HDLBP: variants seen among roughly 807,000 people sequenced by gnomAD.
HDLBP encodes vigilin.
HDLBP carries 30 observed loss-of-function variants against 137.3 expected under a neutral mutation model. That is an observed-to-expected ratio of 0.22 (90% CI 0.16 to 0.30). The LOEUF (loss-of-function observed/expected upper bound fraction) is 0.30, where lower values mean the gene tolerates loss of function less well. Among genes scored for constraint, HDLBP ranks in the 10% least tolerant of loss-of-function variants. The pLI, the probability that HDLBP is intolerant of heterozygous loss-of-function variation, is 1.00. For missense variants in HDLBP, 1,119 were observed against 1,667.3 expected (o/e 0.67, Z 5.73); for synonymous variants, 606 against 596.0 (o/e 1.02, Z -0.24).
intron 5 of HDLBP, among the ~76,000 whole-genome samples, chr2:241,258,346 C>CAAA (rs34675892): frequency 4.9e-4 from 27 of 55,462 alleles, no homozygotes; most frequent in East Asian, 1.3e-3. Flanking sequence ...GACTCCGTCT[C>CAAA]AAAAAAAAAA....
chr2:241,250,310 T>C lies in HDLBP; in HGVS notation c.1373-330A>G, dbSNP rs112031636. ...GGTATTGGCCAGGGCTTCAGAATAG[T>C]TGAAGGATTCCAGGTGTTTCTAATG... On this transcript the variant is annotated intron_variant, in intron 11 of 27. Coordinates refer to ENST00000310931, the MANE Select transcript of HDLBP (RefSeq NM_005336.6). 705 of 203,678 alleles carry C rather than the reference T, an allele frequency of 3.5e-3. 8 individuals carry two copies. Among genetic ancestry groups the C allele is most frequent in the African/African-American group, 0.015 (661 of 43,442 alleles). The allele number at this position is 203,678 out of a possible 1,614,324, so 12.6% of individuals were successfully genotyped here.
At chr2:241,253,318 G>T (rs530240233) in intron 10 of HDLBP, 75 bp downstream of exon 10, 1 of 995,264 alleles carries the variant, frequency 1.0e-6, no homozygotes, top group Non-Finnish European at 1.6e-6. Flanking sequence ...GGATGTCATC[G>T]AGAGATGACC....
Position 241,243,597 on chromosome 2 carries a change from G to A in HDLBP, c.1951-919C>T, listed in dbSNP as rs895180609. ...AGTGCCTGCAGCTCAGTCGGGGCCT[G>A]GTATAGTACCTACAGCTCAGACACC... On this transcript the variant is annotated intron_variant, in intron 16 of 27. Transcript: ENST00000310931. The A allele has an allele frequency of 5.9e-5, 9 of 152,586 alleles. No homozygotes were observed. In the Admixed American group the frequency reaches 5.9e-4, roughly 10 times the overall value. 9.5% of individuals were successfully genotyped at this position (152,586 alleles called of 1,614,324 possible).
At position 241,228,550 on chromosome 2, in the gene HDLBP, G is replaced by A. The variant is rs1196879250; in HGVS notation, c.*1051C>T. The A allele has an allele frequency of 6.6e-6, 1 of 152,402 alleles. No homozygotes were observed. Among genetic ancestry groups the A allele is most frequent in the Non-Finnish European group, 1.5e-5 (1 of 68,092 alleles). 9.4% of individuals were successfully genotyped at this position (152,402 alleles called of 1,614,324 possible). ...GGCCACTGACCCACCTGTGCTGAGGGAGAGCGCCAGCCTCCAGCTTAGGTA... is the reference window on the plus strand; with the variant it reads ...GGCCACTGACCCACCTGTGCTGAGGAAGAGCGCCAGCCTCCAGCTTAGGTA... On this transcript the variant is annotated 3_prime_UTR_variant, in exon 28 of 28. Transcript: ENST00000310931.
intron 1 of HDLBP, among the ~76,000 whole-genome samples, chr2:241,274,147 G>A (rs1188867629): frequency 6.6e-6 from 1 of 152,176 alleles, no homozygotes; most frequent in Non-Finnish European, 1.5e-5. Flanking sequence ...GGATAAGGGG[G>A]TGTGATGCCC....
rs914620106 is a variant in HDLBP at position 241,279,517 on chromosome 2, G to T, written c.-102-10976C>A. Among the ~76,000 whole-genome samples the T allele has an allele frequency of 2.0e-5, 3 of 152,142 alleles. No homozygotes were observed. In the South Asian group the frequency reaches 6.2e-4, roughly 32 times the overall value. On this transcript the variant is annotated intron_variant, in intron 1 of 27. Transcript: ENST00000310931. The stretch of plus-strand genomic sequence containing the variant: ...TAATTCAGGCTGTGGTGCTAGTGCC[G>T]GGGACAGACACAGAGAACAAGGGAG...
chr2:241,273,693 G>A (rs2074279518), intron 1 of HDLBP: 1 of 982,902 alleles, frequency 1.0e-6, no homozygotes, highest in African/African-American at 1.7e-5. Flanking sequence ...AGGTATCTGG[G>A]GACAAGACCG....
chr2:241,256,039 C>G, intron 7 of HDLBP, 145 bp downstream of exon 7: 1 of 709,548 alleles, frequency 1.4e-6, no homozygotes, highest in Non-Finnish European at 2.4e-6. Flanking sequence ...CCGATCTCAC[C>G]CGGGTCACTC....
chr2:241,246,206 T>A (rs1020604532), intron 16 of HDLBP, among the ~76,000 whole-genome samples: 1 of 148,608 alleles, frequency 6.7e-6, no homozygotes, highest in African/African-American at 2.5e-5. Flanking sequence ...CACAAAAGCG[T>A]AGACAATCCA....
chr2:241,309,156 T>G (rs1207101738), intron 1 of HDLBP, among the ~76,000 whole-genome samples: 1 of 152,218 alleles, frequency 6.6e-6, no homozygotes, highest in Non-Finnish European at 1.5e-5. Flanking sequence ...AAACTGCCAC[T>G]GTGTCCCCCA....
intron 1 of HDLBP, chr2:241,279,834 CTAG>C (rs1273073698): frequency 1.3e-6 from 1 of 799,510 alleles, no homozygotes; most frequent in Non-Finnish European, 1.5e-6. Context: ...CACTGCACTG[CTAG>C]TAATAGTCAA....
chr2:241,227,748 G>A lies in HDLBP; in HGVS notation c.*1853C>T, dbSNP rs10892. The A allele has an allele frequency of 6.6e-6, 1 of 152,440 alleles. No homozygotes were observed. Among genetic ancestry groups the A allele is most frequent in the African/African-American group, 2.4e-5 (1 of 41,370 alleles). The allele number at this position is 152,440 out of a possible 1,614,324, so 9.4% of individuals were successfully genotyped here. ...GAGGAACCCGCTGCGATGGAGATTGGGGGGAGCTGGAAGCAAGCAGCCAAC... is the reference window on the plus strand; with the variant it reads ...GAGGAACCCGCTGCGATGGAGATTGAGGGGAGCTGGAAGCAAGCAGCCAAC... On this transcript the variant is annotated 3_prime_UTR_variant, in exon 28 of 28. Coordinates refer to ENST00000310931, the MANE Select transcript of HDLBP (RefSeq NM_005336.6).
intron 12 of HDLBP, chr2:241,249,302 C>A (rs888484071): frequency 6.4e-6 from 3 of 470,934 alleles, no homozygotes; most frequent in Non-Finnish European, 1.3e-5. Flanking sequence ...CAGTATTTGA[C>A]TTCTCTGGAT....
intron 1 of HDLBP, among the ~76,000 whole-genome samples, chr2:241,309,606 G>C (rs977873753): frequency 6.6e-6 from 1 of 152,152 alleles, no homozygotes; most frequent in Non-Finnish European, 1.5e-5. Flanking sequence ...TGGCTGATAG[G>C]TTTAAAAGGC....
intron 1 of HDLBP, among the ~76,000 whole-genome samples, chr2:241,288,676 T>C (rs2074913439): frequency 6.6e-6 from 1 of 152,180 alleles, no homozygotes; most frequent in African/African-American, 2.4e-5. Flanking sequence ...CTAACTGCCA[T>C]GGTAACACTA....
chr2:241,261,874 G>A (rs1026859415), intron 5 of HDLBP, among the ~76,000 whole-genome samples: 3 of 152,078 alleles, frequency 2.0e-5, no homozygotes, highest in Admixed American at 6.5e-5. Context: ...AATCCCCATC[G>A]TCCAATCACC....
chr2:241,256,468 T>TA, intron 6 of HDLBP, 69 bp from the exon 7 acceptor site: 1 of 1,512,720 alleles, frequency 6.6e-7, no homozygotes, highest in Non-Finnish European at 9.0e-7. Context: ...CAGGGCTTTT[T>TA]AGAGTTGGAG....
At chr2:241,236,040 A>G (rs970546947) in intron 21 of HDLBP, 3 of 192,506 alleles carry the variant, frequency 1.6e-5, no homozygotes, top group Non-Finnish European at 3.2e-5. Context: ...ACCGCTGCTC[A>G]CCTTCCCTGC....
chr2:241,280,106 G>C (rs1396640845), intron 1 of HDLBP: 1 of 985,224 alleles, frequency 1.0e-6, no homozygotes, highest in Non-Finnish European at 1.2e-6. Flanking sequence ...CCATGGGATG[G>C]GAGCTAAGTT....
Sources: gnomAD v4.1 joint callset for allele counts (sites outside exome capture counted in the v4.1 genomes callset) on GRCh38, gnomAD v4.1.1 for gene constraint, MANE v1.5 for transcripts, NCBI Gene and HGNC (gene_info 2026-07-23, HGNC 2026-07-21) for gene names.